Variants in PCDHGA9 observed in about 807,000 individuals in gnomAD.
PCDHGA9 encodes protocadherin gamma-A9.
In PCDHGA9, 37 loss-of-function variants were observed where a neutral mutation model predicts 62.5. The observed-to-expected ratio is 0.59, with a 90% confidence interval of 0.46 to 0.78. The LOEUF (loss-of-function observed/expected upper bound fraction) is 0.78. Among genes scored for constraint, PCDHGA9 ranks in the 30% least tolerant of loss-of-function variants. The pLI, the probability that PCDHGA9 is intolerant of heterozygous loss-of-function variation, is 0.00. For synonymous variants in PCDHGA9, 459 were observed against 484.6 expected, an observed-to-expected ratio of 0.95 and a Z score of 0.69; for missense variants, 1,138 against 1,166.2, an observed-to-expected ratio of 0.98 and a Z score of 0.35.
intron 1 of PCDHGA9, among the ~76,000 whole-genome samples, chr5:141,406,535 G>A (rs2094820779): frequency 6.6e-6 from 1 of 152,168 alleles, no homozygotes; most frequent in South Asian, 2.1e-4. Context: ...TTCTGACGAA[G>A]ATTCAAACTT....
chr5:141,505,371 C>T (rs2099845827), intron 2 of PCDHGA9, 22 bp from the exon 3 acceptor site: 4 of 1,613,980 alleles, frequency 2.5e-6, no homozygotes, highest in Non-Finnish European at 3.4e-6. Context: ...AGTCTGTGCT[C>T]ACCATCCTAC....
At chr5:141,415,129 G>C in intron 1 of PCDHGA9, 1 of 1,613,656 alleles carries the variant, frequency 6.2e-7, no homozygotes, top group African/African-American at 1.3e-5. Flanking sequence ...GGCCGTCCAG[G>C]ACCACGGCCA....
At position 141,490,456 on chromosome 5, in the gene PCDHGA9, C is replaced by G. The variant is rs370141879; in HGVS notation, c.2425-4351C>G. On this transcript the variant is annotated intron_variant, in intron 1 of 3. Transcript: ENST00000573521. The surrounding 1 kb of genome is among the most constrained non-coding windows in gnomAD (Gnocchi z 5.4). The stretch of plus-strand genomic sequence containing the variant: ...TAAGCCTTCTGAGAACCACTACTCG[C>G]TGCTAACCAGCCAGCCTTTGGACCG... 3.7e-6 allele frequency: 6 copies of G among 1,614,114 alleles called. No individual in the cohort carries two copies. Among genetic ancestry groups the G allele is most frequent in the Non-Finnish European group, 5.1e-6 (6 of 1,180,058 alleles).
At chr5:141,419,789 G>A (rs758649709) in intron 1 of PCDHGA9, 2 of 1,614,068 alleles carry the variant, frequency 1.2e-6, no homozygotes, top group South Asian at 2.2e-5. Context: ...GCGCCTGCTA[G>A]TCGCTGTAAG....
At position 141,403,969 on chromosome 5, in the gene PCDHGA9, T is replaced by G. The variant is rs1437416293; in HGVS notation, c.1017T>G (p.Asp339Glu). The change falls in exon 1 of 4, where the codon GAT becomes GAG. Residue 339 changes from aspartate (D) to glutamate (E), a missense_variant. By Grantham distance (45) the Asp-to-Glu change is conservative. Transcript: ENST00000573521. The part of the protein sequence containing the change: ...GWTKVLISVE[D>E]VNDNRPEVTI... ...CAAAAGTGCTCATTTCGGTGGAAGA[T>G]GTAAATGACAATAGACCTGAAGTGA... The G allele has an allele frequency of 6.2e-7, 1 of 1,613,690 alleles. No homozygotes were observed. The highest frequency in any genetic ancestry group is 1.3e-5 in the African/African-American group (1 of 74,872).
chr5:141,491,666 G>T lies in PCDHGA9; in HGVS notation c.2425-3141G>T, dbSNP rs373526771. Reference sequence around the variant, plus strand: ...CTGGCGCTGGAGCCTGACGCCATCCGGTCCCGCTCTAATACGCTGCGGGAG... The same window carrying T: ...CTGGCGCTGGAGCCTGACGCCATCCTGTCCCGCTCTAATACGCTGCGGGAG... On this transcript the variant is annotated intron_variant, in intron 1 of 3. Transcript: ENST00000573521. This position sits in a 1 kb window ranked among gnomAD's most constrained non-coding sequence, Gnocchi z 6.9. 1.2e-6 allele frequency: 2 copies of T among 1,613,732 alleles called. No homozygotes were observed. Among genetic ancestry groups the T allele is most frequent in the Non-Finnish European group, 1.7e-6 (2 of 1,180,008 alleles).
chr5:141,465,893 C>A (rs926928579), intron 1 of PCDHGA9, among the ~76,000 whole-genome samples: 1 of 151,962 alleles, frequency 6.6e-6, no homozygotes, highest in Non-Finnish European at 1.5e-5. Context: ...GAGGCCGAGG[C>A]GGGCAAATCA....
intron 1 of PCDHGA9, among the ~76,000 whole-genome samples, chr5:141,481,193 A>G (rs749746998): frequency 1.3e-5 from 2 of 152,216 alleles, no homozygotes; most frequent in Admixed American, 6.5e-5. Context: ...GCCAGGCCCA[A>G]TTTTTTTAAA....
intron 2 of PCDHGA9, among the ~76,000 whole-genome samples, chr5:141,498,747 C>T (rs1363145286): frequency 6.6e-6 from 1 of 152,106 alleles, no homozygotes; most frequent in Non-Finnish European, 1.5e-5. Context: ...GCCTGGCCAA[C>T]ATGATGAAAC....
chr5:141,435,603 T>C (rs1195458514), intron 1 of PCDHGA9, among the ~76,000 whole-genome samples: 1 of 152,218 alleles, frequency 6.6e-6, no homozygotes, highest in African/African-American at 2.4e-5. Flanking sequence ...GCCTGCTTTT[T>C]ACATTAAATT....
In PCDHGA9 at chr5:141,432,598, G is replaced by A; in HGVS notation, c.2424+27222G>A. The A allele has an allele frequency of 6.2e-7, 1 of 1,613,920 alleles. No individual in the cohort carries two copies. The highest frequency in any genetic ancestry group is 8.5e-7 in the Non-Finnish European group (1 of 1,179,972). On this transcript the variant is annotated intron_variant, in intron 1 of 3. Transcript: ENST00000573521. The surrounding 1 kb of genome is among the most constrained non-coding windows in gnomAD (Gnocchi z 6.0). ...CCTACCGTCTGCTCAAGGCCAGCGA[G>A]CCGGGACTCTTCTCGGTGGGTCTGC...
rs1223986597 is a variant in PCDHGA9, at chr5:141,417,300, A to G, written c.2424+11924A>G. The G allele has an allele frequency of 2.0e-5, 3 of 152,440 alleles. No homozygotes were observed. In the East Asian group the frequency reaches 5.8e-4, roughly 29 times the overall value. The allele number at this position is 152,440 out of a possible 1,614,324, so 9.4% of individuals were successfully genotyped here. ...AAGGAACAAGAATGACTGCCTCTGG[A>G]TGGAGGAATTGGATAGCAATGGGCC... On this transcript the variant is annotated intron_variant, in intron 1 of 3. Coordinates refer to ENST00000573521, the MANE Select transcript of PCDHGA9 (RefSeq NM_018921.3).
chr5:141,422,874 G>C (rs763219526), intron 1 of PCDHGA9: 56 of 1,614,134 alleles, frequency 3.5e-5, no homozygotes, highest in Non-Finnish European at 1.0e-5. Flanking sequence ...ACGTGTCGCT[G>C]AGCCTGTTCG....
At chr5:141,473,966 G>A (rs1268822103) in intron 1 of PCDHGA9, among the ~76,000 whole-genome samples, 3 of 152,174 alleles carry the variant, frequency 2.0e-5, no homozygotes, top group Non-Finnish European at 4.4e-5. Context: ...CTACTTAGAA[G>A]TCTGAGGCGG....
rs1305419943 is a variant in PCDHGA9, at chr5:141,438,625, T to C, written c.2424+33249T>C. Among the ~76,000 whole-genome samples the C allele has an allele frequency of 9.7e-4, 45 of 46,410 alleles. 2 individuals are homozygous for C. Among genetic ancestry groups the C allele is most frequent in the Admixed American group, 2.2e-3 (7 of 3,192 alleles). The allele number at this position is 46,410 out of a possible 152,430, so 30.4% of individuals were successfully genotyped here. On this transcript the variant is annotated intron_variant, in intron 1 of 3. Coordinates refer to ENST00000573521, the MANE Select transcript of PCDHGA9 (RefSeq NM_018921.3). The stretch of plus-strand genomic sequence containing the variant: ...ATATATATATATATATATATATATA[T>C]ATATATATATACACACACACACACA...
intron 2 of PCDHGA9, among the ~76,000 whole-genome samples, chr5:141,499,301 TC>T (rs771049830): frequency 6.6e-6 from 1 of 152,166 alleles, no homozygotes; most frequent in Non-Finnish European, 1.5e-5. Context: ...CTACCATCCC[TC>T]CTCTGAGAGA....
chr5:141,478,711 T>C, intron 1 of PCDHGA9: 3 of 1,547,346 alleles, frequency 1.9e-6, no homozygotes, highest in Non-Finnish European at 1.7e-6. Flanking sequence ...CTTTGTGAGA[T>C]GGTGGCCTGC....
intron 1 of PCDHGA9, among the ~76,000 whole-genome samples, chr5:141,464,984 C>T (rs1345385418): frequency 1.3e-5 from 2 of 152,034 alleles, no homozygotes; most frequent in Non-Finnish European, 2.9e-5. Flanking sequence ...TCAAGTGATC[C>T]TCCCACCTCA....
intron 1 of PCDHGA9, chr5:141,428,158 G>C (rs776350833): frequency 3.8e-6 from 6 of 1,577,610 alleles, no homozygotes; most frequent in Non-Finnish European, 5.2e-6. Context: ...GGAACCTGCT[G>C]GTTGCTGTGC....
Sources: allele counts gnomAD v4.1 joint callset (sites outside exome capture counted in the v4.1 genomes callset), GRCh38; gene constraint gnomAD v4.1.1; non-coding constraint Gnocchi (gnomAD v3.1); transcripts MANE v1.5; gene names NCBI Gene and HGNC (gene_info 2026-07-23, HGNC 2026-07-21).